TRIOBP: variants seen among roughly 807,000 people sequenced by gnomAD.
TRIOBP encodes the protein TRIO and F-actin binding protein.
Under a neutral mutation model 238.8 loss-of-function variants are expected in TRIOBP, and 169 were observed. That is an observed-to-expected ratio of 0.71 (90% CI 0.62 to 0.80). The LOEUF (loss-of-function observed/expected upper bound fraction) is 0.80. Ranked by LOEUF, TRIOBP falls within the 30% of genes least tolerant of loss-of-function variation. TRIOBP has a pLI of 0.00. For synonymous variants in TRIOBP, 1,150 were observed against 1,274.4 expected (o/e 0.90, Z 2.08); for missense variants, 2,838 against 3,122.6 (o/e 0.91, Z 2.17).
intron 17 of TRIOBP, among the ~76,000 whole-genome samples, chr22:37,761,875 C>T (rs1926262030): frequency 6.6e-6 from 1 of 151,932 alleles, no homozygotes; most frequent in Non-Finnish European, 1.5e-5. Flanking sequence ...GCCTCCCACC[C>T]TGAGGCAGAG....
intron 23 of TRIOBP, among the ~76,000 whole-genome samples, chr22:37,773,259 C>T (rs1926875891): frequency 1.3e-5 from 2 of 152,208 alleles, no homozygotes; most frequent in African/African-American, 2.4e-5. Context: ...TACTCTGACA[C>T]CCAGGCTGGA....
Position 37,757,924 on chromosome 22 carries a change from T to C in TRIOBP, c.5999T>C (p.Val2000Ala). Residue 2000 changes from valine (V) to alanine (A), a missense_variant, in exon 16 of 24, where the codon GTG (valine) becomes GCG (alanine). Around this residue, in one of 5 missense-constraint regions of TRIOBP, gnomAD observed 2,096 missense variants for 2,137.4 expected, o/e 0.98. Coordinates refer to ENST00000644935, the MANE Select transcript of TRIOBP (RefSeq NM_001039141.3). ...FEATDSRTPE[V>A]PAGEGPRRGL... ...GCCACAGACAGCAGGACCCCAGAGGTGCCTGCTGGTGAGGGGCCGCGCCGG... is the reference window on the plus strand; with the variant it reads ...GCCACAGACAGCAGGACCCCAGAGGCGCCTGCTGGTGAGGGGCCGCGCCGG... The C allele has an allele frequency of 6.4e-7, 1 of 1,554,258 alleles. No individual in the cohort carries two copies.
In TRIOBP at chr22:37,769,153, A is replaced by T; in HGVS notation, c.6701A>T (p.Gln2234Leu). Residue 2234 changes from glutamine to leucine, a missense_variant, in exon 20 of 24, where the codon CAG becomes CTG. Transcript: ENST00000644935. The stretch of plus-strand genomic sequence containing the variant: ...CGCGAGCACACGCTGCGCCGCTGCC[A>T]GCAGGAGGGCCAGGAGCTGCTGCGC... Reference protein sequence around the residue: ...EEREHTLRRCQQEGQELLRHN... With the variant: ...EEREHTLRRCLQEGQELLRHN... 1 of 1,611,832 alleles carries T rather than the reference A, an allele frequency of 6.2e-7. No homozygotes were observed. The highest frequency in any genetic ancestry group is 8.5e-7 in the Non-Finnish European group (1 of 1,179,404).
rs1490938740 is a variant in TRIOBP at position 37,755,176 on chromosome 22, G to A, written c.5563G>A (p.Gly1855Ser). The A allele has an allele frequency of 6.2e-7, 1 of 1,612,548 alleles. No individual in the cohort carries two copies. Among genetic ancestry groups the A allele is most frequent in the Non-Finnish European group, 8.5e-7 (1 of 1,179,330 alleles). Reference protein sequence around the residue: ...VTEYAVQRNYGFQIHTKDAVY... With the variant: ...VTEYAVQRNYSFQIHTKDAVY... ...TGAGTACGCGGTGCAGCGCAACTAT[G>A]GCTTCCAGATCCACGTGAGGCTGTG... is the stretch of plus-strand genomic sequence containing the variant. Residue 1855 changes from glycine (G) to serine (S), a missense_variant, in exon 14 of 24, where the codon GGC becomes AGC. Coordinates refer to ENST00000644935, the MANE Select transcript of TRIOBP (RefSeq NM_001039141.3).
chr22:37,755,745 G>T (rs779610806), intron 15 of TRIOBP, 86 bp downstream of exon 15: 68 of 1,115,258 alleles, frequency 6.1e-5, no homozygotes, highest in Non-Finnish European at 8.9e-5. Context: ...CCTGAGGGCT[G>T]CACCTTTCTG....
rs1924798014 is a variant in TRIOBP, at chr22:37,738,677, C to G, written c.5142C>G (p.Ser1714Arg). The change falls in exon 10 of 24, where the codon AGC becomes AGG. Residue 1714 changes from serine (S) to arginine (R), a missense_variant. Around this residue, in one of 5 missense-constraint regions of TRIOBP, gnomAD observed 2,096 missense variants for 2,137.4 expected, o/e 0.98. Transcript: ENST00000644935. ...AGGAGCCTGAGGAGTCAGAACCAAGCAGAGGCCAAGACCCCCTGACTGACC... is the reference window on the plus strand; with the variant it reads ...AGGAGCCTGAGGAGTCAGAACCAAGGAGAGGCCAAGACCCCCTGACTGACC... ...QPEEPEESEP[S>R]RGQDPLTDQK... The G allele has an allele frequency of 1.2e-6, 2 of 1,613,860 alleles. No individual in the cohort carries two copies. Among genetic ancestry groups the G allele is most frequent in the African/African-American group, 1.3e-5 (1 of 74,938 alleles).
chr22:37,700,188 T>G (rs1331106895), intron 2 of TRIOBP, among the ~76,000 whole-genome samples: 1 of 152,162 alleles, frequency 6.6e-6, no homozygotes, highest in Non-Finnish European at 1.5e-5. Context: ...GAATCACTTC[T>G]TTAACATGCA....
rs780058028 is a variant in TRIOBP, at chr22:37,726,062, G to A, written c.3506G>A (p.Arg1169Gln). ...CCCACCCCTGTGTGCATTGGGCACCGGGATGCACCCTCCTTCTCATCCCCA... is the reference window on the plus strand; with the variant it reads ...CCCACCCCTGTGTGCATTGGGCACCAGGATGCACCCTCCTTCTCATCCCCA... ...HIPTPVCIGHRDAPSFSSPPR... is the reference protein window; with the variant it reads ...HIPTPVCIGHQDAPSFSSPPR... Residue 1169 changes from arginine (R) to glutamine (Q), a missense_variant, in exon 7 of 24, where the codon CGG (arginine) becomes CAG (glutamine). Coordinates refer to ENST00000644935, the MANE Select transcript of TRIOBP (RefSeq NM_001039141.3). The A allele has an allele frequency of 4.4e-6, 7 of 1,593,974 alleles. No individual in the cohort carries two copies. Among genetic ancestry groups the A allele is most frequent in the African/African-American group, 2.7e-5 (2 of 74,062 alleles).
Position 37,755,632 on chromosome 22 carries a change from G to A in TRIOBP, c.5660G>A (p.Arg1887His), listed in dbSNP as rs770768683. ...ATCGAGGCTCTGAGAAAGACCGTAC[G>A]TCCAACTTCAGCCCCAGATGTCACC... is the stretch of plus-strand genomic sequence containing the variant. ...NWIEALRKTVRPTSAPDVTKL... is the reference protein window; with the variant it reads ...NWIEALRKTVHPTSAPDVTKL... Residue 1887 changes from arginine to histidine, a missense_variant, in exon 15 of 24, where the codon CGT becomes CAT. This residue lies in a region of TRIOBP where 2,096 missense variants were observed against 2,137.4 expected (regional missense o/e 0.98). Coordinates refer to ENST00000644935, the MANE Select transcript of TRIOBP (RefSeq NM_001039141.3). 10 of 1,614,062 alleles carry A rather than the reference G, an allele frequency of 6.2e-6. No homozygotes were observed. The highest frequency in any genetic ancestry group is 5.0e-5 in the Admixed American group (3 of 60,020).
At chr22:37,708,177 C>T (rs1213317281) in intron 3 of TRIOBP, among the ~76,000 whole-genome samples, 2 of 145,436 alleles carry the variant, frequency 1.4e-5, no homozygotes, top group Admixed American at 7.2e-5. Context: ...ACCCGGGAGG[C>T]GGAGCTTGCA....
At chr22:37,772,447 T>C (rs1353856101) in intron 22 of TRIOBP, among the ~76,000 whole-genome samples, 154 bp from the exon 23 acceptor site, 1 of 151,650 alleles carries the variant, frequency 6.6e-6, no homozygotes, top group Non-Finnish European at 1.5e-5. Context: ...GTGGGAGGGG[T>C]AAGCCCAGAA....
intron 5 of TRIOBP, among the ~76,000 whole-genome samples, chr22:37,713,615 T>C (rs534713952): frequency 1.3e-3 from 202 of 152,302 alleles, no homozygotes; most frequent in African/African-American, 4.4e-3. Context: ...CCAGGGCAGC[T>C]GGGGTCTGGC....
At chr22:37,759,291 G>A in intron 17 of TRIOBP, 27 bp downstream of exon 17, 1 of 1,601,336 alleles carries the variant, frequency 6.2e-7, no homozygotes, top group Non-Finnish European at 8.6e-7. Context: ...GTTTTTCAGG[G>A]GGAGGGGGCA....
At chr22:37,703,483 C>T (rs1922765769) in intron 3 of TRIOBP, among the ~76,000 whole-genome samples, 1 of 151,028 alleles carries the variant, frequency 6.6e-6, no homozygotes, top group Admixed American at 6.6e-5. Context: ...TCGTCATTCC[C>T]ATTGGGGTCT....
Position 37,725,721 on chromosome 22 carries a change from G to A in TRIOBP, c.3165G>A (p.Glu1055=). ...RAPESEPPHH[E]PPYIPPAVCI... Reference sequence around the variant, plus strand: ...CTGAGAGTGAACCGCCCCACCACGAGCCTCCCTATATACCACCTGCTGTGT... The same window carrying A: ...CTGAGAGTGAACCGCCCCACCACGAACCTCCCTATATACCACCTGCTGTGT... The change falls in exon 7 of 24, where the codon GAG becomes GAA. Residue 1055 remains glutamate, a synonymous_variant. Coordinates refer to ENST00000644935, the MANE Select transcript of TRIOBP (RefSeq NM_001039141.3). 1 of 1,611,500 alleles carries A rather than the reference G, an allele frequency of 6.2e-7. No homozygotes were observed. Among genetic ancestry groups the A allele is most frequent in the Non-Finnish European group, 8.5e-7 (1 of 1,179,394 alleles).
rs530949363 is a variant in TRIOBP at position 37,761,134 on chromosome 22, G to A, written c.6324+1870G>A. Among the ~76,000 whole-genome samples, 18 of 152,188 alleles carry A rather than the reference G, an allele frequency of 1.2e-4. No homozygotes were observed. In the South Asian group the frequency reaches 3.7e-3, roughly 32 times the overall value. ...AGGCTGGTTGGTGCGTATTGTGGATGCCTCCAGTGCTGAGCTAATAGTTAG... is the reference window on the plus strand; with the variant it reads ...AGGCTGGTTGGTGCGTATTGTGGATACCTCCAGTGCTGAGCTAATAGTTAG... On this transcript the variant is annotated intron_variant, in intron 17 of 23. Transcript: ENST00000644935.
chr22:37,765,633 C>T (rs912949422), intron 17 of TRIOBP, 37 bp from the exon 18 acceptor site: 21 of 1,548,032 alleles, frequency 1.4e-5, no homozygotes, highest in African/African-American at 4.1e-5. Flanking sequence ...TCCAGAGGAA[C>T]GGGGCAGCCT....
At chr22:37,712,923 CT>C (rs1274903862) in intron 4 of TRIOBP, among the ~76,000 whole-genome samples, 1 of 150,838 alleles carries the variant, frequency 6.6e-6, no homozygotes, top group Non-Finnish European at 1.5e-5. Context: ...TGCCACTGCA[CT>C]CCAGCCTGGG....
In TRIOBP at chr22:37,724,806, G is replaced by T; in HGVS notation, c.2250G>T (p.Gln750His). The change falls in exon 7 of 24, where the codon CAG becomes CAT. Residue 750 changes from glutamine to histidine, a missense_variant. Coordinates refer to ENST00000644935, the MANE Select transcript of TRIOBP (RefSeq NM_001039141.3). The part of the protein sequence containing the change: ...QRDNPRTSCA[Q>H]RDNPRASSPN... The stretch of plus-strand genomic sequence containing the variant: ...ACAACCCCAGAACATCCTGTGCCCA[G>T]CGGGACAATCCCAGAGCCTCCTCTC... 6.3e-7 allele frequency: 1 copy of T among 1,595,456 alleles called. No homozygotes were observed. Among genetic ancestry groups the T allele is most frequent in the Non-Finnish European group, 8.5e-7 (1 of 1,173,014 alleles).
Sources: gnomAD v4.1 joint callset for allele counts (sites outside exome capture counted in the v4.1 genomes callset) on GRCh38, gnomAD v4.1.1 for gene constraint, gnomAD v4.1.1 regional missense constraint, MANE v1.5 for transcripts, NCBI Gene and HGNC (gene_info 2026-07-23, HGNC 2026-07-21) for gene names.